The following NELL1 variants were observed in gnomAD, a reference collection of about 807,000 sequenced individuals.
NELL1 encodes protein kinase C-binding protein NELL1.
A neutral mutation model predicts 107.4 loss-of-function variants in NELL1; 76 were observed. The observed-to-expected ratio is 0.71, with a 90% CI of 0.59 to 0.86. NELL1 has a LOEUF of 0.86. NELL1 is among the 40% of genes least tolerant of loss of function. NELL1 has a pLI of 0.00. For missense variants in NELL1, 1,024 were observed against 1,005.5 expected, an observed-to-expected ratio of 1.02 and a Z score of -0.25; for synonymous variants, 353 against 341.2, an observed-to-expected ratio of 1.03 and a Z score of -0.38.
At chr11:21,419,003 G>C (rs540517989) in intron 15 of NELL1, among the ~76,000 whole-genome samples, 8 of 152,106 alleles carry the variant, frequency 5.3e-5, no homozygotes, top group Non-Finnish European at 1.2e-4. Flanking sequence ...CACAAGAGCA[G>C]AGAGGGAGGG....
chr11:21,124,586 C>T (rs1407659259), intron 13 of NELL1, among the ~76,000 whole-genome samples: 1 of 151,142 alleles, frequency 6.6e-6, no homozygotes, highest in Non-Finnish European at 1.5e-5. Flanking sequence ...CTGGTGAGGG[C>T]CTGTTCCTCA....
At chr11:20,971,639 T>C (rs1273562340) in intron 12 of NELL1, among the ~76,000 whole-genome samples, 1 of 152,064 alleles carries the variant, frequency 6.6e-6, no homozygotes, top group Non-Finnish European at 1.5e-5. Context: ...ATAACACAGG[T>C]TTAGTGGAAA....
At chr11:20,756,164 G>A (rs1856282456) in intron 2 of NELL1, among the ~76,000 whole-genome samples, 1 of 152,036 alleles carries the variant, frequency 6.6e-6, no homozygotes, top group Non-Finnish European at 1.5e-5. Flanking sequence ...ACAGGCGTGA[G>A]CCACCGCGCC....
chr11:21,150,469 A>G (rs905650394), intron 13 of NELL1, among the ~76,000 whole-genome samples: 1 of 152,068 alleles, frequency 6.6e-6, no homozygotes, highest in Admixed American at 6.6e-5. Flanking sequence ...AATCCTCTTC[A>G]ATTGCTAAGA....
chr11:20,720,622 A>G (rs1327231485), intron 2 of NELL1, among the ~76,000 whole-genome samples: 1 of 152,164 alleles, frequency 6.6e-6, no homozygotes, highest in Admixed American at 6.6e-5. Flanking sequence ...TAGGAGTCCA[A>G]AATCAAGGTA....
chr11:20,774,382 C>T (rs552776573), intron 2 of NELL1, among the ~76,000 whole-genome samples: 3 of 145,010 alleles, frequency 2.1e-5, no homozygotes, highest in Non-Finnish European at 4.5e-5. Context: ...TCCTCCTTCT[C>T]TTTCTTTTCT....
intron 2 of NELL1, among the ~76,000 whole-genome samples, chr11:20,772,311 T>C (rs1856656406): frequency 6.6e-6 from 1 of 152,108 alleles, no homozygotes; most frequent in African/African-American, 2.4e-5. Flanking sequence ...TGTTGGGGAC[T>C]AGGGAAGCCA....
Position 21,259,110 on chromosome 11 carries a change from A to G in NELL1, c.1549+29656A>G, listed in dbSNP as rs138230648. Among the ~76,000 whole-genome samples, 1,088 of 152,078 alleles carry G rather than the reference A, an allele frequency of 7.2e-3. 16 individuals are homozygous for G. The highest frequency in any genetic ancestry group is 0.024 in the African/African-American group (1,010 of 41,512). ...TATAGAAGCGGGAGGGGGGCAGTGCAAAAATGGCTGAGGTAACACCTAAAA... is the reference window on the plus strand; with the variant it reads ...TATAGAAGCGGGAGGGGGGCAGTGCGAAAATGGCTGAGGTAACACCTAAAA... On this transcript the variant is annotated intron_variant, in intron 14 of 19. Transcript: ENST00000357134.
chr11:21,228,973 A>C (rs1291830009), intron 13 of NELL1, among the ~76,000 whole-genome samples: 2 of 151,768 alleles, frequency 1.3e-5, no homozygotes, highest in Non-Finnish European at 2.9e-5. Context: ...TGACATATCA[A>C]ATGTTTGCAG....
rs568483921 is a variant in NELL1 at position 20,800,358 on chromosome 11, T to C, written c.335+16528T>C. Reference sequence around the variant, plus strand: ...TTCTCCACAGTCTCACCAGCATCTGTTATTTTTGACATTTAAAAAATAATA... The same window carrying C: ...TTCTCCACAGTCTCACCAGCATCTGCTATTTTTGACATTTAAAAAATAATA... On this transcript the variant is annotated intron_variant, in intron 3 of 19. Coordinates refer to ENST00000357134, the MANE Select transcript of NELL1 (RefSeq NM_006157.5). 6.6e-5 allele frequency among the ~76,000 whole-genome samples: 10 copies of C among 152,326 alleles called. No homozygotes were observed. The East Asian group carries it at 1.2e-3, about 18-fold the overall frequency.
At chr11:21,524,810 C>T (rs1465470837) in intron 15 of NELL1, among the ~76,000 whole-genome samples, 1 of 151,958 alleles carries the variant, frequency 6.6e-6, no homozygotes, top group African/African-American at 2.4e-5. Flanking sequence ...AGATTTAGTT[C>T]CATGTTTTTA....
At chr11:20,689,237 C>T (rs972748139) in intron 2 of NELL1, among the ~76,000 whole-genome samples, 1 of 151,652 alleles carries the variant, frequency 6.6e-6, no homozygotes, top group Non-Finnish European at 1.5e-5. Flanking sequence ...CCTGTTTACT[C>T]TGTTGATAGT....
At chr11:20,809,444 A>G (rs1312269686) in intron 3 of NELL1, among the ~76,000 whole-genome samples, 1 of 152,128 alleles carries the variant, frequency 6.6e-6, no homozygotes. Context: ...TAGTTATCCA[A>G]CTATAAAATA....
intron 15 of NELL1, among the ~76,000 whole-genome samples, chr11:21,479,439 C>A (rs973775514): frequency 6.6e-6 from 1 of 151,998 alleles, no homozygotes; most frequent in Non-Finnish European, 1.5e-5. Context: ...GCCAGGCACA[C>A]AAAGGCAAAC....
chr11:20,898,892 A>G (rs763815406), intron 5 of NELL1, among the ~76,000 whole-genome samples: 2 of 152,108 alleles, frequency 1.3e-5, no homozygotes, highest in Admixed American at 6.6e-5. Context: ...TCTAGGTGGC[A>G]CTTGCACAGT....
intron 3 of NELL1, 137 bp from the exon 4 acceptor site, chr11:20,847,446 C>T (rs2134057109): frequency 1.2e-6 from 1 of 826,126 alleles, no homozygotes; most frequent in Non-Finnish European, 1.8e-6. Flanking sequence ...AGTGAATTGA[C>T]TTGAGGTCTT....
chr11:20,946,148 A>G (rs971898427), intron 10 of NELL1, among the ~76,000 whole-genome samples: 1 of 152,208 alleles, frequency 6.6e-6, no homozygotes, highest in African/African-American at 2.4e-5. Context: ...TTGCCAAACC[A>G]GAGAAATGTG....
chr11:21,458,937 T>TA (rs1853824069), intron 15 of NELL1, among the ~76,000 whole-genome samples: 2 of 151,124 alleles, frequency 1.3e-5, no homozygotes, highest in East Asian at 2.0e-4. Flanking sequence ...TATTTAGAGA[T>TA]AATTTTGTGT....
chr11:21,541,218 G>C (rs565573415), intron 16 of NELL1, among the ~76,000 whole-genome samples: 1 of 152,064 alleles, frequency 6.6e-6, no homozygotes, highest in Non-Finnish European at 1.5e-5. Flanking sequence ...CTATTCTTAC[G>C]GGACTGAATA....
Sources: gnomAD v4.1 joint callset for allele counts (sites outside exome capture counted in the v4.1 genomes callset) on GRCh38, gnomAD v4.1.1 for gene constraint, MANE v1.5 for transcripts, NCBI Gene and HGNC (gene_info 2026-07-23, HGNC 2026-07-21) for gene names.